RBM47: variants seen among roughly 807,000 people sequenced by gnomAD.
RBM47 encodes the protein RNA binding motif protein 47, also known as RNA-binding protein 47.
A neutral mutation model predicts 47.1 loss-of-function variants in RBM47; 21 were observed. The ratio of observed to expected loss-of-function variants is 0.45; its 90% confidence interval spans 0.32 to 0.64. RBM47 has a LOEUF of 0.64. Among genes scored for constraint, RBM47 ranks in the 30% least tolerant of loss-of-function variants. The probability of loss-of-function intolerance (pLI) is 0.05; values close to 1 mark genes in which losing one functional copy is unlikely to be tolerated. For synonymous variants in RBM47, 375 were observed against 361.7 expected, an observed-to-expected ratio of 1.04 and a Z score of -0.42; for missense variants, 708 against 870.9, an observed-to-expected ratio of 0.81 and a Z score of 2.35.
chr4:40,569,733 T>TG (rs1731523667), intron 1 of RBM47, among the ~76,000 whole-genome samples: 1 of 130,964 alleles, frequency 7.6e-6, no homozygotes, highest in Non-Finnish European at 1.6e-5. Flanking sequence ...TTTTTTGAGA[T>TG]GGAGTCTCGC....
rs1457823204 is a variant in RBM47, at chr4:40,512,632, T to C, written c.-155+31790A>G. On this transcript the variant is annotated intron_variant, in intron 2 of 6. Coordinates refer to ENST00000295971, the MANE Select transcript of RBM47 (RefSeq NM_001098634.2). ...TGGGAGGCTGAGGTGGGAGAATCAC[T>C]TGAACCCCGGAGGCAGAGGTTGCAG... Among the ~76,000 whole-genome samples, 4 of 149,282 alleles carry C rather than the reference T, an allele frequency of 2.7e-5. No individual in the cohort carries two copies. In the South Asian group the frequency reaches 8.4e-4, roughly 31 times the overall value.
chr4:40,504,464 T>C (rs2154251176), intron 2 of RBM47, among the ~76,000 whole-genome samples: 1 of 152,174 alleles, frequency 6.6e-6, no homozygotes, highest in South Asian at 2.1e-4. Flanking sequence ...CTAATCTTTT[T>C]GTATTTTTAG....
At chr4:40,551,066 T>C (rs1014256863) in intron 1 of RBM47, among the ~76,000 whole-genome samples, 2 of 152,150 alleles carry the variant, frequency 1.3e-5, no homozygotes, top group Non-Finnish European at 2.9e-5. Context: ...AGCACAAAAG[T>C]GGGCTGTTAG....
In RBM47 at chr4:40,520,459, A is replaced by G. The variant is rs146663811; in HGVS notation, c.-155+23963T>C. On this transcript the variant is annotated intron_variant, in intron 2 of 6. Coordinates refer to ENST00000295971, the MANE Select transcript of RBM47 (RefSeq NM_001098634.2). ...GCTCTATCGCCCCAGGCCTATTCCA[A>G]AGCATCTTTCAGCTGTAGGGGCCCA... is the stretch of plus-strand genomic sequence containing the variant. Among the ~76,000 whole-genome samples, 335 of 151,206 alleles carry G rather than the reference A, an allele frequency of 2.2e-3. 1 individual carries two copies. The highest frequency in any genetic ancestry group is 7.6e-3 in the African/African-American group (309 of 40,536).
intron 3 of RBM47, among the ~76,000 whole-genome samples, chr4:40,453,839 AT>A (rs553811277): frequency 7.4e-5 from 11 of 149,622 alleles, no homozygotes; most frequent in East Asian, 1.9e-4. Flanking sequence ...CAGAGGTCAA[AT>A]TTTTTTTTTT....
rs59718734 is a variant in RBM47 at position 40,536,718 on chromosome 4, T to TGTGTG, written c.-155+7703_-155+7704insCACAC. 6.2e-3 allele frequency among the ~76,000 whole-genome samples: 922 copies of TGTGTG among 148,486 alleles called. 4 individuals are homozygous for TGTGTG. The highest frequency in any genetic ancestry group is 8.3e-3 in the African/African-American group (326 of 39,070). The stretch of plus-strand genomic sequence containing the variant: ...GCAGTTTTTGGTGTGTGTGTGTGTG[T>TGTGTG]TTTTGTTTTTTTTTTATTGTTGTTG... On this transcript the variant is annotated intron_variant, in intron 2 of 6. Transcript: ENST00000295971.
chr4:40,592,979 A>G (rs13138442), intron 1 of RBM47, among the ~76,000 whole-genome samples: 4 of 14,218 alleles, frequency 2.8e-4, no homozygotes, highest in Non-Finnish European at 3.4e-4. Flanking sequence ...ATATATATAT[A>G]TTTTTTTTTT....
chr4:40,556,040 T>C (rs1319139402), intron 1 of RBM47, among the ~76,000 whole-genome samples: 2 of 116,618 alleles, frequency 1.7e-5, no homozygotes, highest in African/African-American at 1.1e-4. Flanking sequence ...AGATCTTCTT[T>C]TTTTTTTTTT....
intron 2 of RBM47, among the ~76,000 whole-genome samples, chr4:40,501,044 T>TA (rs981761729): frequency 6.6e-4 from 96 of 145,644 alleles, no homozygotes; most frequent in South Asian, 2.0e-3. Context: ...TCCTCAATGT[T>TA]AAAAAAAAAA....
intron 1 of RBM47, among the ~76,000 whole-genome samples, chr4:40,556,756 G>A (rs903342058): frequency 1.3e-5 from 2 of 151,688 alleles, no homozygotes; most frequent in African/African-American, 4.8e-5. Context: ...CGAGTATGGT[G>A]GTGCACGCCT....
rs201298966 is a variant in RBM47, at chr4:40,423,714, TTTC to T, written c.*2187_*2189del. 1.6e-4 allele frequency: 12 copies of T among 76,012 alleles called. No individual in the cohort carries two copies. The highest frequency in any genetic ancestry group is 1.2e-3 in the African/African-American group (12 of 9,988). 4.7% of individuals were successfully genotyped at this position (76,012 alleles called of 1,614,324 possible). A position where few individuals can be genotyped will look rare whatever the true frequency, so the allele number is the denominator to read the frequency against. ...TTTCTTTCTTTCTTTCTTTCTTTCTTTTCTTTCTTTTCTTTCTTCCTCTTCTTC... is the reference window on the plus strand; with the variant it reads ...TTTCTTTCTTTCTTTCTTTCTTTCTTTTTCTTTTCTTTCTTCCTCTTCTTC... On this transcript the variant is annotated 3_prime_UTR_variant, in exon 7 of 7. Transcript: ENST00000295971.
At chr4:40,525,674 C>A (rs868658441) in intron 2 of RBM47, among the ~76,000 whole-genome samples, 2 of 151,876 alleles carry the variant, frequency 1.3e-5, no homozygotes, top group South Asian at 4.2e-4. Context: ...GGAAAAAATG[C>A]AAAAACTGGA....
intron 2 of RBM47, chr4:40,502,260 T>C (rs1055095698): frequency 6.5e-6 from 1 of 154,354 alleles, no homozygotes; most frequent in Non-Finnish European, 1.5e-5. Flanking sequence ...TGTTATATTG[T>C]TTTCATGTTG....
intron 2 of RBM47, among the ~76,000 whole-genome samples, chr4:40,500,144 G>A (rs73145588): frequency 0.12 from 18,353 of 151,976 alleles, 1,164 homozygotes; most frequent in East Asian, 0.19. Flanking sequence ...GTGAAATCCC[G>A]TTCTACTAAA....
intron 1 of RBM47, among the ~76,000 whole-genome samples, chr4:40,602,201 T>C (rs1038051946): frequency 8.6e-5 from 13 of 151,594 alleles, no homozygotes; most frequent in Non-Finnish European, 7.4e-5. Context: ...AAAAAAAAGA[T>C]ACTTCACTGT....
At chr4:40,486,775 C>T (rs925687037) in intron 2 of RBM47, among the ~76,000 whole-genome samples, 1 of 152,132 alleles carries the variant, frequency 6.6e-6, no homozygotes, top group Non-Finnish European at 1.5e-5. Context: ...GAGGACTTCC[C>T]CCATGTAACT....
At chr4:40,585,292 G>A (rs1319762751) in intron 1 of RBM47, among the ~76,000 whole-genome samples, 1 of 152,106 alleles carries the variant, frequency 6.6e-6, no homozygotes, top group Non-Finnish European at 1.5e-5. Flanking sequence ...TGGAATTTGT[G>A]AGCCAAATGA....
intron 1 of RBM47, among the ~76,000 whole-genome samples, chr4:40,602,664 AG>A (rs1735392535): frequency 6.6e-6 from 1 of 151,104 alleles, no homozygotes; most frequent in South Asian, 2.1e-4. Context: ...AAAAAAAAAA[AG>A]GAATATCATA....
At chr4:40,577,845 TCCAATAAAAA>T (rs1437094787) in intron 1 of RBM47, among the ~76,000 whole-genome samples, 1 of 152,096 alleles carries the variant, frequency 6.6e-6, no homozygotes, top group Non-Finnish European at 1.5e-5. Flanking sequence ...CAACAAACTG[TCCAATAAAAA>T]TTACAGGAAG....
Sources: allele counts gnomAD v4.1 joint callset (sites outside exome capture counted in the v4.1 genomes callset), GRCh38; gene constraint gnomAD v4.1.1; transcripts MANE v1.5; gene names NCBI Gene and HGNC (gene_info 2026-07-23, HGNC 2026-07-21).